The following ABR variants were observed in gnomAD, a reference collection of about 807,000 sequenced individuals.
ABR encodes the protein active breakpoint cluster region-related protein.
In ABR, 35 loss-of-function variants were observed where a neutral mutation model predicts 107.2. That is an observed-to-expected ratio of 0.33 (90% confidence interval 0.25 to 0.43). The LOEUF (loss-of-function observed/expected upper bound fraction) is 0.43. Among genes scored for constraint, ABR ranks in the 20% least tolerant of loss-of-function variants. The pLI is 1.00. For missense variants in ABR, 815 were observed against 1,115.2 expected (o/e 0.73, Z 3.83); for synonymous variants, 498 against 462.0 (o/e 1.08, Z -1.00).
In ABR at chr17:1,157,249, CTTT is replaced by C. The variant is rs545131491; in HGVS notation, c.61+22415_61+22417del. Among the ~76,000 whole-genome samples the C allele has an allele frequency of 7.4e-5, 9 of 121,764 alleles. No homozygotes were observed. Among genetic ancestry groups the C allele is most frequent in the Admixed American group, 1.7e-4 (2 of 11,668 alleles). 79.9% of individuals were successfully genotyped at this position (121,764 alleles called of 152,430 possible). ...GTCAGTCGTGCTACAGCGCACATTA[CTTT>C]TTTTTTTTTTTTTTTTGAGATGAAG... On this transcript the variant is annotated intron_variant, in intron 1 of 22. Transcript: ENST00000302538. The surrounding 1 kb of genome is among the most constrained non-coding windows in gnomAD (Gnocchi z 4.7).
chr17:1,179,721 G>A lies in ABR; in HGVS notation c.7C>T (p.Pro3Ser). MEPLSHRGLPRLS... is the reference protein window; with the variant it reads MESLSHRGLPRLS... ...CGCGGCAGGCCCCGGTGGCTGAGCGGCTCCATCCCGCGGCGGCGGCTCGGT... is the reference window on the plus strand; with the variant it reads ...CGCGGCAGGCCCCGGTGGCTGAGCGACTCCATCCCGCGGCGGCGGCTCGGT... The change falls in exon 1 of 23, where the codon CCG becomes TCG. Residue 3 changes from proline to serine, a missense_variant. Coordinates refer to ENST00000302538, the MANE Select transcript of ABR (RefSeq NM_021962.5). The surrounding 1 kb of genome is among the most constrained non-coding windows in gnomAD (Gnocchi z 4.9). The A allele has an allele frequency of 1.9e-6, 3 of 1,541,026 alleles. No individual in the cohort carries two copies. The highest frequency in any genetic ancestry group is 2.6e-6 in the Non-Finnish European group (3 of 1,143,112).
intron 1 of ABR, among the ~76,000 whole-genome samples, chr17:1,169,002 G>A (rs2041612707): frequency 6.6e-6 from 1 of 152,230 alleles, no homozygotes; most frequent in South Asian, 2.1e-4. Context: ...CCACGCGGCT[G>A]GGTGGACGCC....
At position 1,139,892 on chromosome 17, in the gene ABR, G is replaced by A. The variant is rs76026362; in HGVS notation, c.62-14525C>T. Among the ~76,000 whole-genome samples the A allele has an allele frequency of 2.0e-5, 3 of 152,306 alleles. No individual in the cohort carries two copies. In the East Asian group the frequency reaches 5.8e-4, roughly 29 times the overall value. ...GTGAGGAAGGAAAAGGTCCATTTGC[G>A]GCAGGGTATCAGCGTGCAGAATGGG... On this transcript the variant is annotated intron_variant, in intron 1 of 22. Transcript: ENST00000302538.
chr17:1,192,741 C>T (rs868061797), intron 1 of ABR, among the ~76,000 whole-genome samples: 21 of 152,190 alleles, frequency 1.4e-4, no homozygotes, highest in African/African-American at 4.8e-4. Flanking sequence ...GGTGAAACCC[C>T]GTCTCTACTA....
intron 2 of ABR, among the ~76,000 whole-genome samples, chr17:1,121,934 G>C (rs1029043640): frequency 6.6e-6 from 1 of 152,148 alleles, no homozygotes; most frequent in African/African-American, 2.4e-5. Flanking sequence ...ATGGAGTCTC[G>C]CTTTGTCACC....
At position 1,150,719 on chromosome 17, in the gene ABR, C is replaced by T. The variant is rs932426344; in HGVS notation, c.62-25352G>A. On this transcript the variant is annotated intron_variant, in intron 1 of 22. Coordinates refer to ENST00000302538, the MANE Select transcript of ABR (RefSeq NM_021962.5). The surrounding 1 kb of genome is among the most constrained non-coding windows in gnomAD (Gnocchi z 4.8). ...ATCCTGCACGGCTCTAAACCAGAGG[C>T]AACAGGGCACCCCACCCACTGGGAA... Among the ~76,000 whole-genome samples the T allele has an allele frequency of 6.6e-6, 1 of 152,122 alleles. No individual in the cohort carries two copies. The highest frequency in any genetic ancestry group is 6.5e-5 in the Admixed American group (1 of 15,278).
chr17:1,085,155 C>T (rs1466752124), intron 4 of ABR, among the ~76,000 whole-genome samples: 1 of 143,168 alleles, frequency 7.0e-6, no homozygotes, highest in African/African-American at 2.6e-5. Context: ...CTCTGTCACC[C>T]AGGCTGGAAT....
intron 1 of ABR, among the ~76,000 whole-genome samples, chr17:1,162,136 T>C (rs12325827): frequency 0.065 from 9,834 of 152,258 alleles, 1,040 homozygotes; most frequent in African/African-American, 0.22. Flanking sequence ...GAACTGAGGA[T>C]GTGAAAAGAC....
At chr17:1,133,329 C>A (rs933366995) in intron 1 of ABR, among the ~76,000 whole-genome samples, 1 of 151,226 alleles carries the variant, frequency 6.6e-6, no homozygotes, top group African/African-American at 2.4e-5. Flanking sequence ...ACAGTTTATA[C>A]CCAGCGTAAT....
Position 1,078,966 on chromosome 17 carries a change from C to CTCCAGCA in ABR, c.700+357_700+363dup. 2.0e-6 allele frequency: 3 copies of CTCCAGCA among 1,510,314 alleles called. No homozygotes were observed. The highest frequency in any genetic ancestry group is 2.7e-6 in the Non-Finnish European group (3 of 1,131,710). The allele number at this position is 1,510,314 out of a possible 1,614,324, so 93.6% of individuals were successfully genotyped here. On this transcript the variant is annotated intron_variant, in intron 6 of 22. Transcript: ENST00000302538. This position sits in a 1 kb window ranked among gnomAD's most constrained non-coding sequence, Gnocchi z 7.5. ...CACCTTGCTGATGCTGCCGCACGGA[C>CTCCAGCA]TCCAGCATCGGGCAGCCGCTCCGGA...
At position 1,198,705 on chromosome 17, in the gene ABR, G is replaced by A. The variant is rs913388458; in HGVS notation, c.838+30088C>T. On this transcript the variant is annotated intron_variant, in intron 1 of 22. Coordinates refer to the ABR transcript ENST00000574139. ...GGCTGGAGTGTAGTGATGCCATCTC[G>A]GCTCACTGCAAGCTCCGCCTCCCGG... Among the ~76,000 whole-genome samples, 26 of 150,376 alleles carry A rather than the reference G, an allele frequency of 1.7e-4. 1 individual carries two copies. The highest frequency in any genetic ancestry group is 5.7e-4 in the African/African-American group (23 of 40,300).
chr17:1,150,987 A>T lies in ABR; in HGVS notation c.62-25620T>A, dbSNP rs910578464. ...TCATCTTTCTAAAAGGTAAGAATGG[A>T]GGCAGGAGAACATTTGATTCAGAGC... On this transcript the variant is annotated intron_variant, in intron 1 of 22. Transcript: ENST00000302538. The surrounding 1 kb of genome is among the most constrained non-coding windows in gnomAD (Gnocchi z 4.8). 1.3e-5 allele frequency among the ~76,000 whole-genome samples: 2 copies of T among 152,164 alleles called. No homozygotes were observed. Among genetic ancestry groups the T allele is most frequent in the African/African-American group, 4.8e-5 (2 of 41,436 alleles).
At chr17:1,040,192 C>T (rs1177769399) in intron 16 of ABR, among the ~76,000 whole-genome samples, 1 of 152,118 alleles carries the variant, frequency 6.6e-6, no homozygotes, top group East Asian at 1.9e-4. Flanking sequence ...AACCCAGGGC[C>T]CCCAGGACGC....
intron 2 of ABR, among the ~76,000 whole-genome samples, chr17:1,101,767 T>C (rs1263103243): frequency 1.3e-5 from 2 of 151,122 alleles, no homozygotes; most frequent in African/African-American, 2.4e-5. Context: ...GGAGTCTCGC[T>C]CTGTCGCCCA....
chr17:1,114,600 C>T (rs1190833365), intron 2 of ABR, among the ~76,000 whole-genome samples: 1 of 152,122 alleles, frequency 6.6e-6, no homozygotes, highest in Non-Finnish European at 1.5e-5. Flanking sequence ...CGGTGAAACC[C>T]CGTCTCTACT....
chr17:1,221,934 T>C (rs1172731296), intron 1 of ABR, among the ~76,000 whole-genome samples: 2 of 152,114 alleles, frequency 1.3e-5, no homozygotes, highest in Admixed American at 1.3e-4. Flanking sequence ...CAAATAAGCT[T>C]GGGAAACTTT....
intron 1 of ABR, among the ~76,000 whole-genome samples, chr17:1,222,497 A>G (rs1044183017): frequency 6.6e-6 from 1 of 152,238 alleles, no homozygotes; most frequent in Non-Finnish European, 1.5e-5. Context: ...AATTCTTCCT[A>G]GAGCAACAAT....
At chr17:1,208,353 G>A (rs1330077046) in intron 1 of ABR, among the ~76,000 whole-genome samples, 1 of 152,166 alleles carries the variant, frequency 6.6e-6, no homozygotes. Flanking sequence ...CCCTTGGCCA[G>A]CTGAGGAATT....
At chr17:1,137,536 T>G (rs62069392) in intron 1 of ABR, among the ~76,000 whole-genome samples, 2 of 152,138 alleles carry the variant, frequency 1.3e-5, no homozygotes, top group African/African-American at 4.8e-5. Context: ...AGATGAAGGT[T>G]GCCGGGTCCG....
Sources: gnomAD v4.1 joint callset for allele counts (sites outside exome capture counted in the v4.1 genomes callset) on GRCh38, gnomAD v4.1.1 for gene constraint, Gnocchi (gnomAD v3.1) non-coding constraint, MANE v1.5 for transcripts, NCBI Gene and HGNC (gene_info 2026-07-23, HGNC 2026-07-21) for gene names.